The following EXT1 variants were observed in gnomAD, a reference collection of about 807,000 sequenced individuals.
The protein encoded by EXT1 is exostosin glycosyltransferase 1.
In EXT1, 20 loss-of-function variants were observed where a neutral mutation model predicts 82.5. That is an observed-to-expected ratio of 0.24 (90% CI 0.17 to 0.35). EXT1 has a LOEUF of 0.35. Ranked by LOEUF, EXT1 falls within the 10% of genes least tolerant of loss-of-function variation. The pLI is 1.00. For synonymous variants in EXT1, 348 were observed against 350.8 expected, an observed-to-expected ratio of 0.99 and a Z score of 0.09; for missense variants, 757 against 936.5, an observed-to-expected ratio of 0.81 and a Z score of 2.50.
At chr8:117,865,711 T>C (rs1360001868) in intron 1 of EXT1, among the ~76,000 whole-genome samples, 1 of 152,230 alleles carries the variant, frequency 6.6e-6, no homozygotes, top group Non-Finnish European at 1.5e-5. Flanking sequence ...CTGGAGATGA[T>C]GGCACTAATC....
At chr8:118,007,511 C>T (rs576301060) in intron 1 of EXT1, among the ~76,000 whole-genome samples, 22 of 152,324 alleles carry the variant, frequency 1.4e-4, no homozygotes, top group Middle Eastern at 3.4e-3. Flanking sequence ...GCATGTGGGG[C>T]TTCATACCTA....
chr8:117,962,525 A>G (rs10097196), intron 1 of EXT1, among the ~76,000 whole-genome samples: 113,075 of 151,984 alleles, frequency 0.74, 43,291 homozygotes, highest in African/African-American at 0.92. Context: ...GGCCAAAGCC[A>G]GCAGTCACTT....
chr8:117,895,249 A>C (rs1181820246), intron 1 of EXT1, among the ~76,000 whole-genome samples: 1 of 152,216 alleles, frequency 6.6e-6, no homozygotes, highest in Non-Finnish European at 1.5e-5. Flanking sequence ...TCTACAATCC[A>C]AAAATATCAA....
At chr8:117,931,461 G>C (rs766387514) in intron 1 of EXT1, among the ~76,000 whole-genome samples, 1 of 151,854 alleles carries the variant, frequency 6.6e-6, no homozygotes, top group Non-Finnish European at 1.5e-5. Context: ...TGTGGGGCGG[G>C]GGTGTGGGAG....
intron 1 of EXT1, among the ~76,000 whole-genome samples, chr8:117,846,520 A>G (rs1812364770): frequency 6.6e-6 from 1 of 152,162 alleles, no homozygotes; most frequent in Non-Finnish European, 1.5e-5. Context: ...GTTTTTGAAA[A>G]TGCTAAATAA....
intron 1 of EXT1, among the ~76,000 whole-genome samples, chr8:117,866,475 T>C (rs1358147129): frequency 1.3e-5 from 2 of 152,142 alleles, no homozygotes; most frequent in African/African-American, 4.8e-5. Context: ...AGGTTGTTTA[T>C]AAAATGGAGC....
In EXT1 at chr8:118,070,226, CTGTGTGTGTGTGTGTGTGTG is replaced by C. The variant is rs36229782; in HGVS notation, c.962+39839_962+39858del. Among the ~76,000 whole-genome samples, 484 of 133,442 alleles carry C rather than the reference CTGTGTGTGTGTGTGTGTGTG, an allele frequency of 3.6e-3. 5 individuals carry two copies. Among genetic ancestry groups the C allele is most frequent in the African/African-American group, 0.012 (432 of 36,102 alleles). The allele number at this position is 133,442 out of a possible 152,430, so 87.5% of individuals were successfully genotyped here. On this transcript the variant is annotated intron_variant, in intron 1 of 10. Transcript: ENST00000378204. ...GATTCTTAAAGGACATCATAAATTTCTGTGTGTGTGTGTGTGTGTGTGTGTGTGTGTGTGTGTGTGTGTGT... is the reference window on the plus strand; with the variant it reads ...GATTCTTAAAGGACATCATAAATTTCTGTGTGTGTGTGTGTGTGTGTGTGT...
intron 1 of EXT1, among the ~76,000 whole-genome samples, chr8:117,838,651 AT>A (rs1354562424): frequency 6.6e-6 from 1 of 152,148 alleles, no homozygotes; most frequent in African/African-American, 2.4e-5. Context: ...TAAAAAAAAA[AT>A]AAATTAGATG....
chr8:117,999,997 T>C (rs1815627762), intron 1 of EXT1, among the ~76,000 whole-genome samples: 1 of 152,044 alleles, frequency 6.6e-6, no homozygotes, highest in African/African-American at 2.4e-5. Context: ...TATATATCTG[T>C]ACTTTATACA....
chr8:117,980,185 C>G (rs896301679), intron 1 of EXT1, among the ~76,000 whole-genome samples: 3 of 152,122 alleles, frequency 2.0e-5, no homozygotes, highest in Non-Finnish European at 4.4e-5. Flanking sequence ...ATCTCACATG[C>G]CCATTCCCAT....
rs1211895303 is a variant in EXT1, at chr8:118,020,656, C to G, written c.962+89429G>C. On this transcript the variant is annotated intron_variant, in intron 1 of 10. Transcript: ENST00000378204. ...TAAGCACTCTGAGGTTATTTCAGGA[C>G]TGTGCCTGATCGAATAGTATTACAT... Among the ~76,000 whole-genome samples, 4 of 152,182 alleles carry G rather than the reference C, an allele frequency of 2.6e-5. No homozygotes were observed. The South Asian group carries it at 8.3e-4, about 31-fold the overall frequency.
At chr8:117,961,208 T>C (rs1814693132) in intron 1 of EXT1, among the ~76,000 whole-genome samples, 1 of 152,070 alleles carries the variant, frequency 6.6e-6, no homozygotes, top group Admixed American at 6.6e-5. Context: ...AGTCTTGCTA[T>C]GTTGCCCAGT....
intron 1 of EXT1, among the ~76,000 whole-genome samples, chr8:118,098,542 G>A (rs1419654507): frequency 6.6e-6 from 1 of 151,990 alleles, no homozygotes; most frequent in Non-Finnish European, 1.5e-5. Context: ...AGATCACGAG[G>A]TCAGGAGATC....
intron 1 of EXT1, among the ~76,000 whole-genome samples, chr8:118,051,523 T>C (rs1257224983): frequency 6.6e-6 from 1 of 152,086 alleles, no homozygotes; most frequent in Non-Finnish European, 1.5e-5. Context: ...TGAAGAAGAA[T>C]TGATGGGCCA....
chr8:117,843,933 C>T (rs1405428789), intron 1 of EXT1, among the ~76,000 whole-genome samples: 1 of 152,016 alleles, frequency 6.6e-6, no homozygotes, highest in African/African-American at 2.4e-5. Flanking sequence ...TCTTATGAAG[C>T]CAGGTCCTAA....
intron 1 of EXT1, among the ~76,000 whole-genome samples, chr8:117,889,764 T>C (rs1453756000): frequency 6.6e-6 from 1 of 152,172 alleles, no homozygotes; most frequent in African/African-American, 2.4e-5. Context: ...TGGCACTATA[T>C]TATGGAAGGA....
intron 1 of EXT1, among the ~76,000 whole-genome samples, chr8:117,888,315 T>C (rs1208983101): frequency 6.6e-6 from 1 of 152,026 alleles, no homozygotes; most frequent in Non-Finnish European, 1.5e-5. Context: ...ATAGATGATA[T>C]AATAATAGAT....
chr8:117,807,981 A>G (rs1203389306), intron 8 of EXT1, among the ~76,000 whole-genome samples: 1 of 152,252 alleles, frequency 6.6e-6, no homozygotes, highest in Non-Finnish European at 1.5e-5. Context: ...AGAAGAAAGC[A>G]TCAACAGTGA....
intron 4 of EXT1, among the ~76,000 whole-genome samples, chr8:117,824,927 T>C (rs1414003410): frequency 2.0e-5 from 3 of 152,098 alleles, no homozygotes; most frequent in Non-Finnish European, 4.4e-5. Flanking sequence ...AGTGCAGTGG[T>C]GTGGTCATGG....
Sources: gnomAD v4.1 joint callset for allele counts (sites outside exome capture counted in the v4.1 genomes callset) on GRCh38, gnomAD v4.1.1 for gene constraint, MANE v1.5 for transcripts, NCBI Gene and HGNC (gene_info 2026-07-23, HGNC 2026-07-21) for gene names.